N4BP3: variants seen among roughly 807,000 people sequenced by gnomAD.
N4BP3 encodes the protein NEDD4 binding protein 3.
N4BP3 carries 33 observed loss-of-function variants against 43.8 expected under a neutral mutation model. The ratio of observed to expected loss-of-function variants is 0.75; its 90% CI spans 0.57 to 1.01. The LOEUF (loss-of-function observed/expected upper bound fraction) is 1.01, where lower values mean the gene tolerates loss of function less well. Ranked by LOEUF, N4BP3 falls within the 50% of genes least tolerant of loss-of-function variation. N4BP3 has a pLI of 0.00. For synonymous variants in N4BP3, 326 were observed against 321.9 expected (o/e 1.01, Z -0.14); for missense variants, 756 against 744.2 (o/e 1.02, Z -0.18).
chr5:178,119,074 C>T (rs1757842435), intron 1 of N4BP3, among the ~76,000 whole-genome samples: 1 of 152,136 alleles, frequency 6.6e-6, no homozygotes, highest in Non-Finnish European at 1.5e-5. Flanking sequence ...CAGTGTTAGC[C>T]AGGATGGTCT....
At position 178,119,855 on chromosome 5, in the gene N4BP3, A is replaced by G. The variant is rs1384124804; in HGVS notation, c.272A>G (p.His91Arg). 4 of 1,612,780 alleles carry G rather than the reference A, an allele frequency of 2.5e-6. No individual in the cohort carries two copies. The highest frequency in any genetic ancestry group is 3.4e-6 in the Non-Finnish European group (4 of 1,179,958). Reference sequence around the variant, plus strand: ...TATGCCACCCTCTACTACCGGGAACATTCTCGCGCGGGTGACTTCAGCAAG... The same window carrying G: ...TATGCCACCCTCTACTACCGGGAACGTTCTCGCGCGGGTGACTTCAGCAAG... ...ADYATLYYREHSRAGDFSKTS... is the reference protein window; with the variant it reads ...ADYATLYYRERSRAGDFSKTS... The change falls in exon 2 of 5, where the codon CAT becomes CGT. Residue 91 changes from histidine (H) to arginine (R), a missense_variant. By Grantham distance (29) the His-to-Arg change is conservative (BLOSUM62 0). Transcript: ENST00000274605.
Position 178,121,173 on chromosome 5 carries a change from C to G in N4BP3, c.928C>G (p.Gln310Glu), listed in dbSNP as rs151081300. 3.7e-6 allele frequency: 6 copies of G among 1,601,888 alleles called. No individual in the cohort carries two copies. The African/African-American group carries it at 5.3e-5, about 14-fold the overall frequency. The change falls in exon 4 of 5, where the codon CAG becomes GAG. Residue 310 changes from glutamine to glutamate, a missense_variant. Physicochemically the swap from Gln to Glu is conservative, Grantham distance 29. Transcript: ENST00000274605. ...LYVERLHEVT[Q>E]KAERSERNLQ... ...TGTGGAGCGGCTGCACGAGGTGACC[C>G]AGAAGGCTGAGCGCAGCGAGCGCAA... is the stretch of plus-strand genomic sequence containing the variant.
At position 178,121,681 on chromosome 5, in the gene N4BP3, C is replaced by T. The variant is rs1757929211; in HGVS notation, c.1315C>T (p.Pro439Ser). Residue 439 changes from proline (P) to serine (S), a missense_variant, in exon 5 of 5, where the codon CCA (proline) becomes TCA (serine). By Grantham distance (74) the Pro-to-Ser change is moderately conservative (BLOSUM62 -1). Transcript: ENST00000274605. ...LQEQAPREEA[P>S]GSCETDDCKS... is the part of the protein sequence containing the mutation. ...GGAGCAGGCCCCTCGGGAGGAAGCC[C>T]CAGGCAGCTGTGAGACTGATGACTG... 2 of 1,611,258 alleles carry T rather than the reference C, an allele frequency of 1.2e-6. No homozygotes were observed. The highest frequency in any genetic ancestry group is 2.7e-5 in the African/African-American group (2 of 75,030).
Position 178,121,290 on chromosome 5 carries a change from GC to G in N4BP3, c.1050del (p.Gly351AlafsTer30), listed in dbSNP as rs1757916863. 2.5e-6 allele frequency: 4 copies of G among 1,606,222 alleles called. No individual in the cohort carries two copies. The highest frequency in any genetic ancestry group is 1.7e-5 in the Admixed American group (1 of 59,606). On this transcript the variant is annotated frameshift_variant, in exon 4 of 5. Transcript: ENST00000274605. LOFTEE classifies it high-confidence loss of function. ...AQQGLAPEPR[A>X]PGTLPEADPS... ...GCAGGGCCTGGCTCCGGAGCCTCGGGCCCCCGGCACCCTCCCAGAGGCTGAC... is the reference window on the plus strand; with the variant it reads ...GCAGGGCCTGGCTCCGGAGCCTCGGGCCCCGGCACCCTCCCAGAGGCTGAC...
intron 1 of N4BP3, among the ~76,000 whole-genome samples, chr5:178,114,390 T>A (rs1309846510): frequency 6.6e-6 from 1 of 152,220 alleles, no homozygotes; most frequent in Non-Finnish European, 1.5e-5. Context: ...AGGCTGCAGC[T>A]GCGGGTCTGC....
In N4BP3 at chr5:178,124,867, C is replaced by G. The variant is rs561904419; in HGVS notation, c.*2866C>G. 3 of 152,906 alleles carry G rather than the reference C, an allele frequency of 2.0e-5. No individual in the cohort carries two copies. The highest frequency in any genetic ancestry group is 7.2e-5 in the African/African-American group (3 of 41,576). 9.5% of individuals were successfully genotyped at this position (152,906 alleles called of 1,614,324 possible). The stretch of plus-strand genomic sequence containing the variant: ...CTCCCCTGCCTGGGCACTCCCTCCT[C>G]CCTGCGCCCACAGCCCCCATGCCAA... On this transcript the variant is annotated 3_prime_UTR_variant, in exon 5 of 5. Coordinates refer to ENST00000274605, the MANE Select transcript of N4BP3 (RefSeq NM_015111.2).
rs144854116 is a variant in N4BP3, at chr5:178,121,582, C to T, written c.1216C>T (p.Arg406Trp). 8.9e-5 allele frequency: 144 copies of T among 1,613,294 alleles called. 1 individual carries two copies. Among genetic ancestry groups the T allele is most frequent in the Admixed American group, 1.3e-4 (8 of 60,008 alleles). ...GATCTTCAGTCTGAAGACACAACTTCGGGGCAGCCGGGCACAAGCCCAGGC... is the reference window on the plus strand; with the variant it reads ...GATCTTCAGTCTGAAGACACAACTTTGGGGCAGCCGGGCACAAGCCCAGGC... ...AEIFSLKTQL[R>W]GSRAQAQAQD... is the part of the protein sequence containing the mutation. The change falls in exon 5 of 5, where the codon CGG (arginine) becomes TGG (tryptophan). Residue 406 changes from arginine to tryptophan, a missense_variant. Transcript: ENST00000274605.
intron 1 of N4BP3, among the ~76,000 whole-genome samples, chr5:178,119,068 G>T (rs1757842263): frequency 6.6e-6 from 1 of 152,142 alleles, no homozygotes; most frequent in African/African-American, 2.4e-5. Context: ...GTTTCACAGT[G>T]TTAGCCAGGA....
intron 1 of N4BP3, among the ~76,000 whole-genome samples, chr5:178,115,240 TC>T (rs752386505): frequency 1.3e-5 from 2 of 152,330 alleles, no homozygotes; most frequent in Middle Eastern, 6.8e-3. Context: ...AAGCACCACT[TC>T]CGCAGGCTTT....
Position 178,113,585 on chromosome 5 carries a change from C to T in N4BP3, c.-217C>T, listed in dbSNP as rs1757697158. ...TCGAGCGCCGCGGAGCGCGTCCCTC[C>T]CTCGCCAATCCGGCTCCGGCGCCGG... On this transcript the variant is annotated 5_prime_UTR_variant, in exon 1 of 5. Transcript: ENST00000274605. The T allele has an allele frequency of 6.6e-6, 1 of 151,768 alleles. No homozygotes were observed. The highest frequency in any genetic ancestry group is 1.5e-5 in the Non-Finnish European group (1 of 67,902). The allele number at this position is 151,768 out of a possible 1,614,324, so 9.4% of individuals were successfully genotyped here.
downstream of N4BP3, among the ~76,000 whole-genome samples, chr5:178,126,466 C>T (rs964396020): frequency 1.3e-5 from 2 of 152,210 alleles, no homozygotes; most frequent in South Asian, 2.1e-4. Flanking sequence ...GCGTGGGCCA[C>T]GGCGCTTGGC....
At chr5:178,114,318 C>G (rs1446309996) in intron 1 of N4BP3, among the ~76,000 whole-genome samples, 1 of 152,248 alleles carries the variant, frequency 6.6e-6, no homozygotes, top group African/African-American at 2.4e-5. Flanking sequence ...CTCTGACTTC[C>G]CCATGAGATC....
chr5:178,122,949 A>C lies in N4BP3; in HGVS notation c.*948A>C, dbSNP rs1420164331. 3 of 152,256 alleles carry C rather than the reference A, an allele frequency of 2.0e-5. No homozygotes were observed. In the East Asian group the frequency reaches 5.8e-4, roughly 29 times the overall value. The allele number at this position is 152,256 out of a possible 1,614,324, so 9.4% of individuals were successfully genotyped here. On this transcript the variant is annotated 3_prime_UTR_variant, in exon 5 of 5. Transcript: ENST00000274605. Reference sequence around the variant, plus strand: ...CAGCAAGGAATGGGAACATTTCCCCATCAGCAACGGGGCTCTAGGGCATTA... The same window carrying C: ...CAGCAAGGAATGGGAACATTTCCCCCTCAGCAACGGGGCTCTAGGGCATTA...
rs748755786 is a variant in N4BP3, at chr5:178,120,695, C to A, written c.848C>A (p.Thr283Lys). 26 of 1,584,760 alleles carry A rather than the reference C, an allele frequency of 1.6e-5. No individual in the cohort carries two copies. Among genetic ancestry groups the A allele is most frequent in the Non-Finnish European group, 2.1e-5 (25 of 1,170,430 alleles). ...GATGAGGACGGCTCCAACCCCTTCA[C>A]GCAGGTGAGGGAGCCCCTGCCCTGG... ...LGDEDGSNPF[T>K]QVLEERQRLW... is the part of the protein sequence containing the mutation. Residue 283 changes from threonine (T) to lysine (K), a missense_variant, in exon 3 of 5, where the codon ACG (threonine) becomes AAG (lysine). Coordinates refer to ENST00000274605, the MANE Select transcript of N4BP3 (RefSeq NM_015111.2).
At position 178,117,974 on chromosome 5, in the gene N4BP3, G is replaced by C. The variant is rs1056680704; in HGVS notation, c.-30-1580G>C. On this transcript the variant is annotated intron_variant, in intron 1 of 4. Coordinates refer to ENST00000274605, the MANE Select transcript of N4BP3 (RefSeq NM_015111.2). ...TGGAACCTCCTAACGACCATTGTTC[G>C]GGGGCAGGAGTGGGTGCCCGGAAGC... Among the ~76,000 whole-genome samples, 11 of 152,284 alleles carry C rather than the reference G, an allele frequency of 7.2e-5. No homozygotes were observed. The South Asian group carries it at 1.2e-3, about 17-fold the overall frequency.
In N4BP3 at chr5:178,121,288, G is replaced by A. The variant is rs571312021; in HGVS notation, c.1043G>A (p.Arg348Gln). 5 of 1,605,968 alleles carry A rather than the reference G, an allele frequency of 3.1e-6. No individual in the cohort carries two copies. Among genetic ancestry groups the A allele is most frequent in the African/African-American group, 2.7e-5 (2 of 74,674 alleles). ...CAGCAGGGCCTGGCTCCGGAGCCTCGGGCCCCCGGCACCCTCCCAGAGGCT... is the reference window on the plus strand; with the variant it reads ...CAGCAGGGCCTGGCTCCGGAGCCTCAGGCCCCCGGCACCCTCCCAGAGGCT... Reference protein sequence around the residue: ...RAQQGLAPEPRAPGTLPEADP... With the variant: ...RAQQGLAPEPQAPGTLPEADP... The change falls in exon 4 of 5, where the codon CGG becomes CAG. Residue 348 changes from arginine to glutamine, a missense_variant. Coordinates refer to ENST00000274605, the MANE Select transcript of N4BP3 (RefSeq NM_015111.2).
chr5:178,119,825 C>T lies in N4BP3; in HGVS notation c.242C>T (p.Ala81Val), dbSNP rs781028253. Residue 81 changes from alanine to valine, a missense_variant, in exon 2 of 5, where the codon GCC becomes GTC. Coordinates refer to ENST00000274605, the MANE Select transcript of N4BP3 (RefSeq NM_015111.2). ...NTKRAPRNEPADYATLYYREH... is the reference protein window; with the variant it reads ...NTKRAPRNEPVDYATLYYREH... ...AAGCGGGCCCCTCGGAACGAGCCTGCCGACTATGCCACCCTCTACTACCGG... is the reference window on the plus strand; with the variant it reads ...AAGCGGGCCCCTCGGAACGAGCCTGTCGACTATGCCACCCTCTACTACCGG... The T allele has an allele frequency of 4.3e-6, 7 of 1,613,188 alleles. No homozygotes were observed. The Admixed American group carries it at 6.7e-5, about 15-fold the overall frequency.
Position 178,125,873 on chromosome 5 carries a change from C to T in N4BP3, c.*3872C>T, listed in dbSNP as rs1023513705. 6.7e-6 allele frequency: 1 copy of T among 149,970 alleles called. No homozygotes were observed. Among genetic ancestry groups the T allele is most frequent in the East Asian group, 2.0e-4 (1 of 4,968 alleles). The allele number at this position is 149,970 out of a possible 1,614,324, so 9.3% of individuals were successfully genotyped here. A position where few individuals can be genotyped will look rare whatever the true frequency, so the allele number is the denominator to read the frequency against. On this transcript the variant is annotated 3_prime_UTR_variant, in exon 5 of 5. Transcript: ENST00000274605. ...CCTGGCAACCACTGATCTGCTTTCA[C>T]AATAACCGTATGGGGTTTTTTCTCT...
chr5:178,117,363 A>G (rs2113290758), intron 1 of N4BP3, among the ~76,000 whole-genome samples: 1 of 152,192 alleles, frequency 6.6e-6, no homozygotes, highest in East Asian at 1.9e-4. Context: ...TGTAGGGACC[A>G]ATCCTAGGTC....
Sources: gnomAD v4.1 joint callset for allele counts (sites outside exome capture counted in the v4.1 genomes callset) on GRCh38, gnomAD v4.1.1 for gene constraint, MANE v1.5 for transcripts, NCBI Gene and HGNC (gene_info 2026-07-23, HGNC 2026-07-21) for gene names.